FSTL5: variants seen among roughly 807,000 people sequenced by gnomAD.
FSTL5 encodes follistatin like 5, also known as follistatin-related protein 5.
In FSTL5, 62 loss-of-function variants were observed where a neutral mutation model predicts 89.1. The ratio of observed to expected loss-of-function variants is 0.70; its 90% confidence interval spans 0.57 to 0.86. FSTL5 has a LOEUF of 0.86. Ranked by LOEUF, FSTL5 falls within the 40% of genes least tolerant of loss-of-function variation. FSTL5 has a pLI of 0.00. For synonymous variants in FSTL5, 383 were observed against 346.2 expected (o/e 1.11, Z -1.18); for missense variants, 1,057 against 1,001.6 (o/e 1.06, Z -0.75).
intron 2 of FSTL5, among the ~76,000 whole-genome samples, chr4:162,107,582 G>A (rs907945638): frequency 1.3e-5 from 2 of 152,126 alleles, no homozygotes; most frequent in African/African-American, 4.8e-5. Context: ...TTCCTCGTGA[G>A]TCTTCATGGG....
At chr4:161,836,589 G>T (rs1731050657) in intron 4 of FSTL5, among the ~76,000 whole-genome samples, 1 of 151,996 alleles carries the variant, frequency 6.6e-6, no homozygotes, top group Admixed American at 6.6e-5. Context: ...GGAGGCTCTT[G>T]CATGCTCTTT....
At chr4:161,647,740 T>A (rs759798008) in intron 7 of FSTL5, among the ~76,000 whole-genome samples, 12 of 152,014 alleles carry the variant, frequency 7.9e-5, no homozygotes, top group Non-Finnish European at 1.3e-4. Flanking sequence ...AAGCGCTGGG[T>A]AGAAGAGGGT....
chr4:161,847,218 T>A (rs1397301625), intron 4 of FSTL5, among the ~76,000 whole-genome samples: 11 of 152,224 alleles, frequency 7.2e-5, no homozygotes, highest in Non-Finnish European at 1.5e-4. Flanking sequence ...CCATGCAAAG[T>A]TTGATCCAAA....
At chr4:161,627,302 A>G (rs1430817716) in intron 7 of FSTL5, among the ~76,000 whole-genome samples, 2 of 152,294 alleles carry the variant, frequency 1.3e-5, no homozygotes, top group East Asian at 1.9e-4. Flanking sequence ...TCCACTAGCA[A>G]AAAGAGTATG....
chr4:162,057,775 C>T (rs1738594125), intron 2 of FSTL5, among the ~76,000 whole-genome samples: 1 of 151,940 alleles, frequency 6.6e-6, no homozygotes, highest in African/African-American at 2.4e-5. Flanking sequence ...GAAACCCCAT[C>T]TCTATTAAAA....
intron 4 of FSTL5, among the ~76,000 whole-genome samples, chr4:161,884,493 G>GAAGT (rs1305522099): frequency 6.6e-6 from 1 of 152,092 alleles, no homozygotes; most frequent in Non-Finnish European, 1.5e-5. Flanking sequence ...TTTTTAAAGA[G>GAAGT]AAGTAGTATG....
intron 7 of FSTL5, among the ~76,000 whole-genome samples, chr4:161,611,956 G>T (rs960032278): frequency 6.8e-6 from 1 of 146,796 alleles, no homozygotes; most frequent in African/African-American, 2.5e-5. Context: ...TTCATCTGAG[G>T]AAGTGAAGAG....
rs560218183 is a variant in FSTL5 at position 162,002,794 on chromosome 4, G to A, written c.160+30831C>T. ...ATCAAATACCACATTTATTATTGTT[G>A]TTTTTTTTTTCATGTATGACTCTAA... On this transcript the variant is annotated intron_variant, in intron 3 of 15. Transcript: ENST00000306100. 8.4e-4 allele frequency among the ~76,000 whole-genome samples: 116 copies of A among 137,730 alleles called. 2 individuals are homozygous for A. Among genetic ancestry groups the A allele is most frequent in the Middle Eastern group, 7.2e-3 (2 of 278 alleles). 90.4% of individuals were successfully genotyped at this position (137,730 alleles called of 152,430 possible).
At chr4:161,428,396 AG>A (rs1732238035) in intron 15 of FSTL5, among the ~76,000 whole-genome samples, 1 of 152,230 alleles carries the variant, frequency 6.6e-6, no homozygotes, top group South Asian at 2.1e-4. Flanking sequence ...TAGGCGACCT[AG>A]GGCGTGGTTG....
intron 1 of FSTL5, among the ~76,000 whole-genome samples, chr4:162,125,479 G>A (rs1429970502): frequency 6.6e-6 from 1 of 151,980 alleles, no homozygotes; most frequent in African/African-American, 2.4e-5. Flanking sequence ...TTCTCTTTTG[G>A]TTAGATGTGG....
intron 13 of FSTL5, among the ~76,000 whole-genome samples, chr4:161,460,412 G>C (rs1209861328): frequency 4.9e-5 from 3 of 60,790 alleles, no homozygotes; most frequent in South Asian, 7.8e-4. Context: ...CAACAGGCCC[G>C]GGTGTGTGAT....
intron 15 of FSTL5, among the ~76,000 whole-genome samples, chr4:161,434,210 A>G (rs1054419312): frequency 6.6e-6 from 1 of 152,116 alleles, no homozygotes; most frequent in Non-Finnish European, 1.5e-5. Context: ...AGACACATAG[A>G]CCAATGGAAC....
rs1437134469 is a variant in FSTL5, at chr4:161,588,471, A to C, written c.895-896T>G. On this transcript the variant is annotated intron_variant, in intron 7 of 15. Transcript: ENST00000306100. ...ATACCACTTCAAAATAGTGGAGATA[A>C]ATGCATAACCATTTTGAAAAAAAAG... 2.6e-5 allele frequency among the ~76,000 whole-genome samples: 4 copies of C among 152,168 alleles called. No individual in the cohort carries two copies. In the East Asian group the frequency reaches 7.7e-4, roughly 29 times the overall value.
chr4:161,671,025 A>T (rs188585078), intron 6 of FSTL5, among the ~76,000 whole-genome samples: 3 of 152,334 alleles, frequency 2.0e-5, no homozygotes, highest in Admixed American at 2.0e-4. Context: ...GAAAATTACA[A>T]AAAAGAGAGT....
At chr4:161,749,640 A>G (rs1355802262) in intron 6 of FSTL5, among the ~76,000 whole-genome samples, 2 of 152,020 alleles carry the variant, frequency 1.3e-5, no homozygotes, top group African/African-American at 4.8e-5. Flanking sequence ...TACTAAAAAT[A>G]CAATAGCCGG....
At chr4:161,540,071 C>T (rs1157348055) in intron 9 of FSTL5, among the ~76,000 whole-genome samples, 1 of 152,078 alleles carries the variant, frequency 6.6e-6, no homozygotes, top group African/African-American at 2.4e-5. Flanking sequence ...CCTATGTAAT[C>T]TAGCATTCTT....
intron 1 of FSTL5, among the ~76,000 whole-genome samples, chr4:162,143,210 G>C (rs908125451): frequency 2.6e-5 from 4 of 151,614 alleles, no homozygotes; most frequent in Non-Finnish European, 1.5e-5. Context: ...ATTTACTTAG[G>C]TCATTTTGTT....
At chr4:162,072,407 G>T (rs1295156165) in intron 2 of FSTL5, among the ~76,000 whole-genome samples, 1 of 151,720 alleles carries the variant, frequency 6.6e-6, no homozygotes, top group Non-Finnish European at 1.5e-5. Flanking sequence ...AATTTTAAAG[G>T]AAGATAACAA....
At chr4:161,863,498 G>C (rs754844176) in intron 4 of FSTL5, among the ~76,000 whole-genome samples, 3 of 152,152 alleles carry the variant, frequency 2.0e-5, no homozygotes, top group Admixed American at 6.5e-5. Flanking sequence ...AGAACATTGC[G>C]AGGCATGATG....
Sources: gnomAD v4.1 joint callset for allele counts (sites outside exome capture counted in the v4.1 genomes callset) on GRCh38, gnomAD v4.1.1 for gene constraint, MANE v1.5 for transcripts, NCBI Gene and HGNC (gene_info 2026-07-23, HGNC 2026-07-21) for gene names.